The following CPAMD8 variants were observed in gnomAD, a reference collection of about 807,000 sequenced individuals.
CPAMD8 encodes C3 and PZP like alpha-2-macroglobulin domain containing 8.
In CPAMD8, 146 loss-of-function variants were observed where a neutral mutation model predicts 224.7. The ratio of observed to expected loss-of-function variants is 0.65; its 90% confidence interval spans 0.57 to 0.75. The LOEUF is 0.75. CPAMD8 is among the 30% of genes least tolerant of loss of function. CPAMD8 has a pLI of 0.00. For synonymous variants in CPAMD8, 966 were observed against 1,044.6 expected, an observed-to-expected ratio of 0.92 and a Z score of 1.45; for missense variants, 2,301 against 2,537.5, an observed-to-expected ratio of 0.91 and a Z score of 2.00.
In CPAMD8 at chr19:17,022,016, C is replaced by T. The variant is rs1390949379; in HGVS notation, c.244+14G>A. ...AAGAAGGGGAAGTCCTGGTCTGGCACCCAAGGGACCTACCCAGGATGGCTC... is the reference window on the plus strand; with the variant it reads ...AAGAAGGGGAAGTCCTGGTCTGGCATCCAAGGGACCTACCCAGGATGGCTC... On this transcript the variant is annotated intron_variant, in intron 2 of 41. Transcript: ENST00000443236. 2 of 1,587,564 alleles carry T rather than the reference C, an allele frequency of 1.3e-6. No homozygotes were observed. Among genetic ancestry groups the T allele is most frequent in the Non-Finnish European group, 8.6e-7 (1 of 1,166,800 alleles).
intron 23 of CPAMD8, among the ~76,000 whole-genome samples, chr19:16,934,242 T>C (rs1477114055): frequency 6.6e-6 from 1 of 152,210 alleles, no homozygotes; most frequent in Non-Finnish European, 1.5e-5. Flanking sequence ...GTTATCTTAG[T>C]TGTGACAATG....
intron 7 of CPAMD8, among the ~76,000 whole-genome samples, chr19:17,005,964 G>GTT (rs57214303): frequency 2.3e-4 from 34 of 149,390 alleles, no homozygotes; most frequent in Admixed American, 7.4e-4. Context: ...ATCCCAAAGG[G>GTT]TTTTTTTTTT....
intron 13 of CPAMD8, among the ~76,000 whole-genome samples, chr19:16,987,164 AAAAAAAAAAAAAAAAATATATATAT>A (rs2055753125): frequency 9.8e-6 from 1 of 101,766 alleles, no homozygotes; most frequent in African/African-American, 4.2e-5. Flanking sequence ...AAAAAAAAAA[AAAAAAAAAAAAAAAAATATATATAT>A]ATATATATAT....
At chr19:17,003,420 A>G (rs2056393830) in intron 8 of CPAMD8, among the ~76,000 whole-genome samples, 1 of 147,984 alleles carries the variant, frequency 6.8e-6, no homozygotes, top group African/African-American at 2.5e-5. Flanking sequence ...CTGGTCTCAA[A>G]CTCCTGGCCT....
intron 18 of CPAMD8, among the ~76,000 whole-genome samples, chr19:16,962,710 C>T (rs2054697477): frequency 6.6e-6 from 1 of 152,116 alleles, no homozygotes. Context: ...AGATATTCCT[C>T]AGGAAGAGCA....
intron 27 of CPAMD8, among the ~76,000 whole-genome samples, chr19:16,916,793 G>T (rs1265686374): frequency 6.6e-6 from 1 of 151,986 alleles, no homozygotes; most frequent in Non-Finnish European, 1.5e-5. Flanking sequence ...TATACCCAAA[G>T]CTCATCCAGG....
chr19:16,969,375 C>T (rs2054968268), intron 18 of CPAMD8, among the ~76,000 whole-genome samples: 1 of 152,112 alleles, frequency 6.6e-6, no homozygotes, highest in African/African-American at 2.4e-5. Flanking sequence ...GGGTGGAGGT[C>T]AGGGATGCTG....
At chr19:16,914,894 C>T (rs1013673377) in intron 27 of CPAMD8, 81 bp from the exon 28 acceptor site, 2 of 984,932 alleles carry the variant, frequency 2.0e-6, no homozygotes, top group African/African-American at 1.6e-5. Context: ...CAGCAAGCTC[C>T]TGGCACCACC....
intron 27 of CPAMD8, among the ~76,000 whole-genome samples, chr19:16,919,128 A>G (rs542051229): frequency 4.2e-4 from 64 of 152,004 alleles, no homozygotes; most frequent in African/African-American, 1.5e-3. Context: ...GCTTGAACCC[A>G]GGAGGTGGAG....
chr19:17,008,575 G>A lies in CPAMD8; in HGVS notation c.505-16C>T, dbSNP rs1275708105. 1.2e-6 allele frequency: 2 copies of A among 1,613,822 alleles called. No homozygotes were observed. Among genetic ancestry groups the A allele is most frequent in the South Asian group, 2.2e-5 (2 of 91,078 alleles). ...CTCGGGGGTCCTGTTGGTGGTGGAG[G>A]GGGACAGACACACGGAGTGAACTCA... On this transcript the variant is annotated splice_polypyrimidine_tract_variant and intron_variant, in intron 6 of 41. Coordinates refer to ENST00000443236, the MANE Select transcript of CPAMD8 (RefSeq NM_015692.5).
chr19:16,928,061 C>T lies in CPAMD8; in HGVS notation c.3318G>A (p.Gly1106=), dbSNP rs1568485514. 4.3e-6 allele frequency: 7 copies of T among 1,613,814 alleles called. No individual in the cohort carries two copies. The highest frequency in any genetic ancestry group is 1.6e-4 in the Middle Eastern group (1 of 6,082). ...ACCCAGGGATGGCGCCGTGTGGGAC[C>T]CCCAGGGTGAAGGCCTCGCTGTAGC... ...DESYSEAFTL[G]VPHGAIPGSE... The change falls in exon 25 of 42, where the codon GGG becomes GGA. Residue 1106 remains glycine (G), a synonymous_variant. Transcript: ENST00000443236.
Position 16,914,815 on chromosome 19 carries a change from T to C in CPAMD8, c.3630-2A>G, listed in dbSNP as rs1480449116. On this transcript the variant is annotated splice_acceptor_variant, in intron 27 of 41. Coordinates refer to ENST00000443236, the MANE Select transcript of CPAMD8 (RefSeq NM_015692.5). LOFTEE classifies it high-confidence loss of function. ...GACTTCAGGACAAAGGCTGTGAGCC[T>C]GAAAGAGGACAGGGTGTCAGCTGAG... is the stretch of plus-strand genomic sequence containing the variant. 6.2e-7 allele frequency: 1 copy of C among 1,603,494 alleles called. No homozygotes were observed. Among genetic ancestry groups the C allele is most frequent in the African/African-American group, 1.3e-5 (1 of 74,804 alleles).
At chr19:16,945,727 T>C in intron 21 of CPAMD8, 48 bp from the exon 22 acceptor site, 1 of 1,594,690 alleles carries the variant, frequency 6.3e-7, no homozygotes, top group African/African-American at 1.3e-5. Context: ...CCACCCAAGA[T>C]GGGGGCTGTC....
chr19:16,994,782 A>T (rs1267413398), intron 11 of CPAMD8, among the ~76,000 whole-genome samples: 2 of 151,922 alleles, frequency 1.3e-5, no homozygotes, highest in African/African-American at 4.8e-5. Flanking sequence ...GGTCTCCCAA[A>T]GTGTGAGCCA....
chr19:17,014,656 T>C (rs2056764672), intron 3 of CPAMD8, among the ~76,000 whole-genome samples: 3 of 152,296 alleles, frequency 2.0e-5, no homozygotes, highest in Admixed American at 6.5e-5. Context: ...GGTTTCCCCT[T>C]ATAAAATCAT....
At chr19:16,922,101 T>C in intron 26 of CPAMD8, 115 bp from the exon 27 acceptor site, 1 of 657,436 alleles carries the variant, frequency 1.5e-6, no homozygotes. Flanking sequence ...CCACACCACA[T>C]GTGGGGTCCC....
intron 22 of CPAMD8, 36 bp downstream of exon 22, chr19:16,945,513 C>T (rs1476138545): frequency 6.2e-7 from 1 of 1,603,782 alleles, no homozygotes; most frequent in Non-Finnish European, 8.5e-7. Flanking sequence ...GGAATGAGGC[C>T]CTGGCTAAGC....
At chr19:16,901,940 C>T (rs1028075602) in intron 35 of CPAMD8, among the ~76,000 whole-genome samples, 6 of 152,184 alleles carry the variant, frequency 3.9e-5, no homozygotes, top group East Asian at 1.9e-4. Flanking sequence ...TCAGGGCAGC[C>T]GTTACCGGGG....
intron 1 of CPAMD8, among the ~76,000 whole-genome samples, chr19:17,024,654 G>A (rs1018642239): frequency 6.6e-6 from 1 of 152,186 alleles, no homozygotes. Context: ...ACCAAATTAA[G>A]TTTCCCTGCC....
Sources: allele counts gnomAD v4.1 joint callset (sites outside exome capture counted in the v4.1 genomes callset), GRCh38; gene constraint gnomAD v4.1.1; transcripts MANE v1.5; gene names NCBI Gene and HGNC (gene_info 2026-07-23, HGNC 2026-07-21).